Variants in CAPN5 observed in about 807,000 individuals in gnomAD.
CAPN5 encodes calpain 5.
CAPN5 carries 54 observed loss-of-function variants against 73.0 expected under a neutral mutation model. The observed-to-expected ratio is 0.74, with a 90% CI of 0.59 to 0.93. The LOEUF (loss-of-function observed/expected upper bound fraction) is 0.93. Among genes scored for constraint, CAPN5 ranks in the 40% least tolerant of loss-of-function variants. The probability of loss-of-function intolerance (pLI) is 0.00; values close to 1 mark genes in which losing one functional copy is unlikely to be tolerated. For synonymous variants in CAPN5, 335 were observed against 356.9 expected, an observed-to-expected ratio of 0.94 and a Z score of 0.69; for missense variants, 785 against 882.9, an observed-to-expected ratio of 0.89 and a Z score of 1.41.
rs143467039 is a variant in CAPN5 at position 77,119,102 on chromosome 11, C to T, written c.1240C>T (p.Arg414Cys). ...CIQQRPKRST[R>C]REGKGENLAI... Reference sequence around the variant, plus strand: ...CCAGCAGCGGCCAAAGCGGTCTACGCGCCGGGAGGGCAAGGGTGAGAACCT... The same window carrying T: ...CCAGCAGCGGCCAAAGCGGTCTACGTGCCGGGAGGGCAAGGGTGAGAACCT... The change falls in exon 9 of 13, where the codon CGC becomes TGC. Residue 414 changes from arginine to cysteine, a missense_variant. Arg to Cys is a radical substitution (Grantham distance 180). Transcript: ENST00000648180. 28 of 1,613,822 alleles carry T rather than the reference C, an allele frequency of 1.7e-5. No individual in the cohort carries two copies. Among genetic ancestry groups the T allele is most frequent in the East Asian group, 6.7e-5 (3 of 44,892 alleles).
At chr11:77,068,576 G>A (rs192224363) in intron 1 of CAPN5, among the ~76,000 whole-genome samples, 2 of 152,296 alleles carry the variant, frequency 1.3e-5, no homozygotes, top group East Asian at 1.9e-4. Flanking sequence ...GGTGGATTGC[G>A]GATTAGATAG....
At position 77,124,057 on chromosome 11, in the gene CAPN5, A is replaced by C. The variant is rs1212752676; in HGVS notation, c.*187A>C. 1 of 602,232 alleles carries C rather than the reference A, an allele frequency of 1.7e-6. No homozygotes were observed. Among genetic ancestry groups the C allele is most frequent in the East Asian group, 2.8e-5 (1 of 35,552 alleles). 37.3% of individuals were successfully genotyped at this position (602,232 alleles called of 1,614,324 possible). On this transcript the variant is annotated 3_prime_UTR_variant, in exon 13 of 13. Coordinates refer to ENST00000648180, the MANE Select transcript of CAPN5 (RefSeq NM_004055.5). Reference sequence around the variant, plus strand: ...TGTCCCGAGGGCCCCGAAGCATTCCATTCTCGTGGAGGAGTTTCCTTGCTG... The same window carrying C: ...TGTCCCGAGGGCCCCGAAGCATTCCCTTCTCGTGGAGGAGTTTCCTTGCTG...
In CAPN5 at chr11:77,124,544, T is replaced by TA. The variant is rs1211847251; in HGVS notation, c.*675dup. ...GTCCTCAGGTCCTCTCAGAGGCAGATACCTAGGGGAGCTGCTGCTGCCTGC... is the reference window on the plus strand; with the variant it reads ...GTCCTCAGGTCCTCTCAGAGGCAGATAACCTAGGGGAGCTGCTGCTGCCTGC... On this transcript the variant is annotated 3_prime_UTR_variant, in exon 13 of 13. Coordinates refer to ENST00000648180, the MANE Select transcript of CAPN5 (RefSeq NM_004055.5). The TA allele has an allele frequency of 1.3e-5, 2 of 152,420 alleles. No individual in the cohort carries two copies. The highest frequency in any genetic ancestry group is 2.9e-5 in the Non-Finnish European group (2 of 68,200). The allele number at this position is 152,420 out of a possible 1,614,324, so 9.4% of individuals were successfully genotyped here. A position where few individuals can be genotyped will look rare whatever the true frequency, so the allele number is the denominator to read the frequency against.
chr11:77,103,580 A>G (rs1184836694), intron 3 of CAPN5, among the ~76,000 whole-genome samples: 3 of 152,170 alleles, frequency 2.0e-5, no homozygotes, highest in African/African-American at 4.8e-5. Flanking sequence ...GCTATAGACG[A>G]TAGAGGCCTA....
At chr11:77,115,290 C>T (rs1950454600) in intron 5 of CAPN5, 105 bp from the exon 6 acceptor site, 1 of 838,642 alleles carries the variant, frequency 1.2e-6, no homozygotes, top group Non-Finnish European at 1.8e-6. Flanking sequence ...CAATTCCCAT[C>T]CCATCCTGTA....
chr11:77,101,476 A>G (rs1366880607), intron 3 of CAPN5, among the ~76,000 whole-genome samples: 1 of 152,136 alleles, frequency 6.6e-6, no homozygotes. Flanking sequence ...GGTTCTCTCA[A>G]ATACCCTTGG....
At chr11:77,088,551 A>T (rs782773102) in intron 2 of CAPN5, among the ~76,000 whole-genome samples, 1 of 151,848 alleles carries the variant, frequency 6.6e-6, no homozygotes. Flanking sequence ...TGCAGAGGGG[A>T]TGGGCTGTAG....
At chr11:77,088,418 C>T (rs1555035960) in intron 2 of CAPN5, among the ~76,000 whole-genome samples, 1 of 152,126 alleles carries the variant, frequency 6.6e-6, no homozygotes, top group Admixed American at 6.5e-5. Flanking sequence ...CCAGGAATGA[C>T]CCCCTTCTGG....
intron 1 of CAPN5, among the ~76,000 whole-genome samples, chr11:77,068,527 T>G (rs1281967751): frequency 6.6e-6 from 1 of 152,006 alleles, no homozygotes; most frequent in Non-Finnish European, 1.5e-5. Context: ...AGGAACAGCA[T>G]GAGTAAAGGC....
chr11:77,073,997 CAG>C (rs2135407943), intron 1 of CAPN5, among the ~76,000 whole-genome samples: 1 of 152,310 alleles, frequency 6.6e-6, no homozygotes, highest in South Asian at 2.1e-4. Flanking sequence ...GTCAGAGAGA[CAG>C]GGGCCTGGGA....
intron 3 of CAPN5, among the ~76,000 whole-genome samples, chr11:77,100,519 G>A (rs782396149): frequency 6.6e-6 from 1 of 152,136 alleles, no homozygotes; most frequent in Non-Finnish European, 1.5e-5. Flanking sequence ...CTCCCCAGGG[G>A]TCTTGTGCCC....
chr11:77,110,191 G>A (rs1370508327), intron 3 of CAPN5, among the ~76,000 whole-genome samples: 2 of 151,546 alleles, frequency 1.3e-5, no homozygotes, highest in Non-Finnish European at 2.9e-5. Context: ...AGGTTCAAGC[G>A]ATTCTCATGA....
At chr11:77,070,525 G>A (rs1949892104) in intron 1 of CAPN5, among the ~76,000 whole-genome samples, 1 of 152,232 alleles carries the variant, frequency 6.6e-6, no homozygotes, top group South Asian at 2.1e-4. Context: ...AACTCAAGGT[G>A]TAAGAACTTC....
chr11:77,110,373 G>A (rs2135471481), intron 3 of CAPN5, among the ~76,000 whole-genome samples: 1 of 152,284 alleles, frequency 6.6e-6, no homozygotes, highest in South Asian at 2.1e-4. Context: ...TGATACAGCT[G>A]TCTGTCCTGA....
intron 1 of CAPN5, among the ~76,000 whole-genome samples, chr11:77,075,825 GCT>G (rs2135410463): frequency 6.6e-6 from 1 of 152,180 alleles, no homozygotes; most frequent in South Asian, 2.1e-4. Context: ...AACCCCACAA[GCT>G]CTCTCACACC....
chr11:77,117,375 G>A (rs556050894), intron 7 of CAPN5, among the ~76,000 whole-genome samples: 4 of 152,290 alleles, frequency 2.6e-5, no homozygotes, highest in African/African-American at 7.2e-5. Flanking sequence ...TCCTGGAGGG[G>A]TATTGGCATC....
intron 1 of CAPN5, chr11:77,073,286 G>A: frequency 2.6e-6 from 1 of 384,042 alleles, no homozygotes; most frequent in Non-Finnish European, 5.1e-6. Flanking sequence ...AGTGTGGCCA[G>A]GTCCTTGACT....
At chr11:77,086,430 C>A (rs1255271814) in intron 2 of CAPN5, among the ~76,000 whole-genome samples, 1 of 152,112 alleles carries the variant, frequency 6.6e-6, no homozygotes, top group Non-Finnish European at 1.5e-5. Flanking sequence ...AGAGTCCTGC[C>A]TCCCTGCACC....
At chr11:77,073,026 C>T (rs1037405368) in intron 1 of CAPN5, 1 of 1,237,678 alleles carries the variant, frequency 8.1e-7, no homozygotes, top group Non-Finnish European at 1.1e-6. Context: ...GAGCACACAG[C>T]CCCCACCCCA....
Sources: allele counts gnomAD v4.1 joint callset (sites outside exome capture counted in the v4.1 genomes callset), GRCh38; gene constraint gnomAD v4.1.1; transcripts MANE v1.5; gene names NCBI Gene and HGNC (gene_info 2026-07-23, HGNC 2026-07-21).